DMRTC1B: variants seen among roughly 807,000 people sequenced by gnomAD.
DMRTC1B encodes doublesex- and mab-3-related transcription factor C1.
At chrX:72,802,644 C>T (rs1218271896) in intron 1 of DMRTC1B, among the ~76,000 whole-genome samples, 7 of 95,598 alleles carry the variant, frequency 7.3e-5, no homozygotes, top group African/African-American at 2.4e-4. Flanking sequence ...TGCTATGTAC[C>T]CACAACAACA....
At chrX:72,806,592 C>CT (rs2054656541) in intron 1 of DMRTC1B, among the ~76,000 whole-genome samples, 1 of 7,130 alleles carries the variant, frequency 1.4e-4, no homozygotes, top group Non-Finnish European at 5.9e-4. Flanking sequence ...CCTAAGAAAG[C>CT]ATTTTTTTTT....
At chrX:72,820,283 A>G (rs2054688009) in intron 1 of DMRTC1B, among the ~76,000 whole-genome samples, 1 of 58,869 alleles carries the variant, frequency 1.7e-5, no homozygotes, top group Non-Finnish European at 3.1e-5. Flanking sequence ...AGCGAATAGA[A>G]CCTCCTCACT....
chrX:72,820,786 T>G (rs2054693791), intron 1 of DMRTC1B, among the ~76,000 whole-genome samples: 1 of 72,738 alleles, frequency 1.4e-5, no homozygotes, highest in African/African-American at 5.2e-5. Context: ...CCAACCGAGA[T>G]GTTTCTTATT....
At chrX:72,815,758 A>AT (rs1424396446) in intron 1 of DMRTC1B, among the ~76,000 whole-genome samples, 3 of 57,292 alleles carry the variant, frequency 5.2e-5, no homozygotes, top group African/African-American at 7.2e-5. Flanking sequence ...TTATATATAT[A>AT]TTTTTTTAAA....
intron 1 of DMRTC1B, among the ~76,000 whole-genome samples, chrX:72,815,601 C>G (rs1191254429): frequency 9.0e-6 from 1 of 111,458 alleles, no homozygotes; most frequent in African/African-American, 3.3e-5. Flanking sequence ...GTGCTTCAAT[C>G]TCACTGGAGT....
intron 1 of DMRTC1B, among the ~76,000 whole-genome samples, chrX:72,795,558 A>AT (rs1482919854): frequency 1.9e-5 from 2 of 107,049 alleles, no homozygotes; most frequent in African/African-American, 7.0e-5. Flanking sequence ...CTATTCAGGC[A>AT]TTTTTCCCAA....
Position 72,841,659 on chromosome X carries a change from CAAAAAA to C in DMRTC1B, c.-94-3369_-94-3364del, listed in dbSNP as rs1302616515. Among the ~76,000 whole-genome samples the C allele has an allele frequency of 5.0e-4, 16 of 32,246 alleles. 6 individuals are homozygous for C. Among genetic ancestry groups the C allele is most frequent in the South Asian group, 3.0e-3 (1 of 338 alleles). The allele number at this position is 32,246 out of a possible 115,157, so 28.0% of individuals were successfully genotyped here. A position where few individuals can be genotyped will look rare whatever the true frequency, so the allele number is the denominator to read the frequency against. On this transcript the variant is annotated intron_variant, in intron 1 of 6. Transcript: ENST00000334036. ...GTTAAAAAACAAACAGCCAACCAAC[CAAAAAA>C]AAAAAAAAAAAAACAAACAAACAAA... is the stretch of plus-strand genomic sequence containing the variant.
At chrX:72,804,348 G>A (rs1386673857) in intron 1 of DMRTC1B, among the ~76,000 whole-genome samples, 81 of 77,072 alleles carry the variant, frequency 1.1e-3, no homozygotes, top group African/African-American at 2.8e-3. Context: ...CCCTGTTACC[G>A]GGGAACCCTG....
intron 1 of DMRTC1B, among the ~76,000 whole-genome samples, chrX:72,802,601 A>G (rs2054642451): frequency 1.0e-5 from 1 of 96,634 alleles, no homozygotes. Flanking sequence ...AGCTCCCAAC[A>G]GCCCTGGAAG....
chrX:72,815,679 A>G (rs2054678969), intron 1 of DMRTC1B, among the ~76,000 whole-genome samples: 1 of 87,926 alleles, frequency 1.1e-5, no homozygotes, highest in Non-Finnish European at 2.2e-5. Flanking sequence ...ATTTCTACAT[A>G]TGCTATAACA....
intron 1 of DMRTC1B, among the ~76,000 whole-genome samples, chrX:72,792,741 GGC>G (rs2054620267): frequency 1.3e-5 from 1 of 77,708 alleles, no homozygotes; most frequent in Non-Finnish European, 2.5e-5. Flanking sequence ...AGGGAAATCA[GGC>G]TCACCAGGTC....
chrX:72,839,685 A>AT (rs1446085249), intron 1 of DMRTC1B, among the ~76,000 whole-genome samples: 1 of 91,689 alleles, frequency 1.1e-5, no homozygotes, highest in Non-Finnish European at 2.1e-5. Context: ...AGGAGAGGAT[A>AT]TGTATGAAAT....
intron 1 of DMRTC1B, among the ~76,000 whole-genome samples, chrX:72,820,515 C>CT (rs375115289): frequency 8.1e-4 from 78 of 95,846 alleles, no homozygotes; most frequent in African/African-American, 2.9e-3. Flanking sequence ...CGAGATATTT[C>CT]TTTTTTTTTT....
intron 1 of DMRTC1B, among the ~76,000 whole-genome samples, chrX:72,815,672 T>C (rs1245555910): frequency 2.0e-5 from 2 of 99,790 alleles, no homozygotes; most frequent in Non-Finnish European, 4.0e-5. Flanking sequence ...GCATTTTATT[T>C]CTACATATGC....
rs1239456265 is a variant in DMRTC1B, at chrX:72,807,510, G to A, written c.-95+30262G>A. On this transcript the variant is annotated intron_variant, in intron 1 of 6. Coordinates refer to ENST00000334036, the MANE Select transcript of DMRTC1B (RefSeq NM_001386972.1). ...GGGCATGGAGCATCAGAGGGGGCTC[G>A]GTCACCGTTCACGCCTGTGTCTGTG... 1.2e-4 allele frequency: 72 copies of A among 619,966 alleles called. 2 individuals carry two copies. The highest frequency in any genetic ancestry group is 1.6e-4 in the Non-Finnish European group (69 of 440,035). 51.1% of individuals were successfully genotyped at this position (619,966 alleles called of 1,213,427 possible). A position where few individuals can be genotyped will look rare whatever the true frequency, so the allele number is the denominator to read the frequency against.
chrX:72,807,264 G>A (rs1276534892), intron 1 of DMRTC1B, among the ~76,000 whole-genome samples: 1 of 85,760 alleles, frequency 1.2e-5, no homozygotes, highest in Admixed American at 1.2e-4. Flanking sequence ...TCGCCACCAG[G>A]ACCTAGTAAC....
chrX:72,839,491 T>G (rs1411146642), intron 1 of DMRTC1B, among the ~76,000 whole-genome samples: 1 of 112,550 alleles, frequency 8.9e-6, no homozygotes, highest in Non-Finnish European at 1.9e-5. Context: ...GATTGTTCAC[T>G]GTATTACCCC....
chrX:72,820,515 C>CTTT lies in DMRTC1B; in HGVS notation c.-94-24507_-94-24505dup, dbSNP rs375115289. Among the ~76,000 whole-genome samples, 7 of 95,937 alleles carry CTTT rather than the reference C, an allele frequency of 7.3e-5. No individual in the cohort carries two copies. The East Asian group carries it at 1.5e-3, about 20-fold the overall frequency. 83.3% of individuals were successfully genotyped at this position (95,937 alleles called of 115,157 possible). ...GTAAGGTTATTGACCCGAGATATTT[C>CTTT]TTTTTTTTTTTTTTTTTTTTTTGAG... On this transcript the variant is annotated intron_variant, in intron 1 of 6. Coordinates refer to ENST00000334036, the MANE Select transcript of DMRTC1B (RefSeq NM_001386972.1).
In DMRTC1B at chrX:72,802,511, G is replaced by A. The variant is rs1285221786; in HGVS notation, c.-95+25263G>A. Among the ~76,000 whole-genome samples the A allele has an allele frequency of 1.1e-4, 7 of 62,209 alleles. 2 individuals are homozygous for A. Among genetic ancestry groups the A allele is most frequent in the Admixed American group, 5.1e-4 (3 of 5,920 alleles). The allele number at this position is 62,209 out of a possible 115,157, so 54.0% of individuals were successfully genotyped here. A position where few individuals can be genotyped will look rare whatever the true frequency, so the allele number is the denominator to read the frequency against. ...AATCTTCACAACCCCTCTGTGAGACGCTTTCTTTCCCGCTCCCACAAAGAG... is the reference window on the plus strand; with the variant it reads ...AATCTTCACAACCCCTCTGTGAGACACTTTCTTTCCCGCTCCCACAAAGAG... On this transcript the variant is annotated intron_variant, in intron 1 of 6. Transcript: ENST00000334036.
Sources: allele counts gnomAD v4.1 joint callset (sites outside exome capture counted in the v4.1 genomes callset), GRCh38; gene constraint gnomAD v4.1.1; transcripts MANE v1.5; gene names NCBI Gene and HGNC (gene_info 2026-07-23, HGNC 2026-07-21).